LRRC4C: variants seen among roughly 807,000 people sequenced by gnomAD.
LRRC4C encodes leucine rich repeat containing 4C.
A neutral mutation model predicts 33.6 loss-of-function variants in LRRC4C; 5 were observed. The observed-to-expected ratio is 0.15, with a 90% confidence interval of 0.08 to 0.31. The LOEUF is 0.31. LRRC4C is among the 10% of genes least tolerant of loss of function. The pLI is 1.00. For synonymous variants in LRRC4C, 329 were observed against 302.0 expected (o/e 1.09, Z -0.93); for missense variants, 560 against 796.7 (o/e 0.70, Z 3.58).
intron 4 of LRRC4C, among the ~76,000 whole-genome samples, chr11:40,290,078 A>G (rs995510383): frequency 2.4e-4 from 36 of 152,280 alleles, no homozygotes; most frequent in South Asian, 6.2e-4. Flanking sequence ...ATCTCCTCCA[A>G]TTGGCAGACC....
chr11:41,451,615 T>C (rs181625735), intron 1 of LRRC4C, among the ~76,000 whole-genome samples: 277 of 151,954 alleles, frequency 1.8e-3, no homozygotes, highest in Non-Finnish European at 3.2e-3. Context: ...AAACAGGAAA[T>C]AGCATCAACC....
chr11:40,272,106 G>T (rs2136348513), intron 4 of LRRC4C, among the ~76,000 whole-genome samples: 1 of 152,262 alleles, frequency 6.6e-6, no homozygotes, highest in Admixed American at 6.6e-5. Flanking sequence ...AGAAGTTCCA[G>T]AAAGCTGAGA....
chr11:40,546,886 T>C (rs1423878843), intron 3 of LRRC4C, among the ~76,000 whole-genome samples: 1 of 152,112 alleles, frequency 6.6e-6, no homozygotes, highest in Admixed American at 6.6e-5. Context: ...CTGCAATTGT[T>C]AGACTCACAA....
chr11:41,307,102 C>G (rs376679561), intron 1 of LRRC4C, among the ~76,000 whole-genome samples: 1 of 152,220 alleles, frequency 6.6e-6, no homozygotes, highest in East Asian at 1.9e-4. Context: ...CTTCCTAATC[C>G]TTGGAGGCTA....
At chr11:41,439,812 G>A (rs963578293) in intron 1 of LRRC4C, among the ~76,000 whole-genome samples, 1 of 152,142 alleles carries the variant, frequency 6.6e-6, no homozygotes, top group African/African-American at 2.4e-5. Flanking sequence ...AAGGAATAGG[G>A]TTTTGATGGC....
At chr11:40,736,245 T>A (rs926453085) in intron 2 of LRRC4C, among the ~76,000 whole-genome samples, 2 of 152,040 alleles carry the variant, frequency 1.3e-5, no homozygotes, top group Non-Finnish European at 2.9e-5. Context: ...CTCGCACTTA[T>A]AAGTGAGAAC....
chr11:41,380,763 C>T (rs1014903694), intron 1 of LRRC4C, among the ~76,000 whole-genome samples: 1 of 152,032 alleles, frequency 6.6e-6, no homozygotes, highest in Non-Finnish European at 1.5e-5. Flanking sequence ...AAAGGGAGTA[C>T]GTGACCTGGC....
At chr11:40,164,551 G>C (rs1859427199) in intron 5 of LRRC4C, among the ~76,000 whole-genome samples, 2 of 152,086 alleles carry the variant, frequency 1.3e-5, no homozygotes, top group Non-Finnish European at 2.9e-5. Flanking sequence ...CCTGTCATTT[G>C]CAGCAACATA....
chr11:40,850,924 A>T (rs1171870397), intron 2 of LRRC4C, among the ~76,000 whole-genome samples: 1 of 151,950 alleles, frequency 6.6e-6, no homozygotes. Flanking sequence ...CTTTGTTTAC[A>T]CTATGACCAG....
chr11:40,696,031 G>A (rs7927047), intron 2 of LRRC4C, among the ~76,000 whole-genome samples: 82,256 of 138,926 alleles, frequency 0.59, 23,894 homozygotes, highest in Middle Eastern at 0.67. Context: ...GTGTGTGTGT[G>A]TATATATATA....
At chr11:40,706,089 T>A (rs1412970204) in intron 2 of LRRC4C, among the ~76,000 whole-genome samples, 1 of 152,128 alleles carries the variant, frequency 6.6e-6, no homozygotes, top group Admixed American at 6.6e-5. Flanking sequence ...GTTCCAGTTC[T>A]TTGTAGATTC....
chr11:40,571,917 T>C (rs1215443271), intron 3 of LRRC4C, among the ~76,000 whole-genome samples: 1 of 152,188 alleles, frequency 6.6e-6, no homozygotes. Flanking sequence ...ATCTGTGGTC[T>C]TTCGGTAGGT....
At chr11:41,023,676 C>T (rs536108530) in intron 1 of LRRC4C, among the ~76,000 whole-genome samples, 10 of 151,700 alleles carry the variant, frequency 6.6e-5, no homozygotes, top group South Asian at 2.1e-4. Context: ...ATTCAGATTG[C>T]GTGTTACAAA....
chr11:41,458,152 C>G (rs1288759985), intron 1 of LRRC4C, among the ~76,000 whole-genome samples: 1 of 152,126 alleles, frequency 6.6e-6, no homozygotes. Context: ...TAGACATCAA[C>G]AGCTGGAGAG....
chr11:41,219,760 A>G (rs1389957420), intron 1 of LRRC4C, among the ~76,000 whole-genome samples: 1 of 152,206 alleles, frequency 6.6e-6, no homozygotes, highest in Non-Finnish European at 1.5e-5. Context: ...AACCAGATGA[A>G]GTTTCAGAGA....
chr11:40,653,231 G>A (rs767504190), intron 2 of LRRC4C, among the ~76,000 whole-genome samples: 3 of 152,210 alleles, frequency 2.0e-5, no homozygotes, highest in African/African-American at 4.8e-5. Context: ...TTGGGTAACA[G>A]GCAGAAGTTG....
chr11:40,828,347 G>T (rs1167696773), intron 2 of LRRC4C, among the ~76,000 whole-genome samples: 1 of 151,580 alleles, frequency 6.6e-6, no homozygotes, highest in East Asian at 1.9e-4. Flanking sequence ...ATGCAACTAG[G>T]ATGCAAAACC....
chr11:41,275,320 T>C (rs948584150), intron 1 of LRRC4C, among the ~76,000 whole-genome samples: 2 of 152,196 alleles, frequency 1.3e-5, no homozygotes, highest in Admixed American at 1.3e-4. Context: ...AAAACGAAGA[T>C]GATGCCCAGA....
chr11:40,601,335 C>T (rs1452160778), intron 3 of LRRC4C, among the ~76,000 whole-genome samples: 1 of 152,194 alleles, frequency 6.6e-6, no homozygotes, highest in Non-Finnish European at 1.5e-5. Context: ...GTATCTCCTT[C>T]TTCATGGCCA....
Sources: gnomAD v4.1 joint callset for allele counts (sites outside exome capture counted in the v4.1 genomes callset) on GRCh38, gnomAD v4.1.1 for gene constraint, MANE v1.5 for transcripts, NCBI Gene and HGNC (gene_info 2026-07-23, HGNC 2026-07-21) for gene names.